The following APP variants were observed in gnomAD, a reference collection of about 807,000 sequenced individuals.
The protein encoded by APP is amyloid beta precursor protein.
In APP, 31 loss-of-function variants were observed where a neutral mutation model predicts 101.4. That is an observed-to-expected ratio of 0.31 (90% confidence interval 0.23 to 0.41). The LOEUF (loss-of-function observed/expected upper bound fraction) is 0.41. APP is among the 10% of genes least tolerant of loss of function. The pLI, the probability that APP is intolerant of heterozygous loss-of-function variation, is 1.00. For missense variants in APP, 839 were observed against 1,003.7 expected (o/e 0.84, Z 2.22); for synonymous variants, 366 against 364.4 (o/e 1.00, Z -0.05).
chr21:25,908,895 C>T (rs1433327888), intron 14 of APP, among the ~76,000 whole-genome samples: 1 of 152,112 alleles, frequency 6.6e-6, no homozygotes, highest in Admixed American at 6.6e-5. Context: ...AAACTCGGGT[C>T]TGTATCATTC....
At position 26,000,035 on chromosome 21, in the gene APP, A is replaced by AT; in HGVS notation, c.1012dup (p.Met338AsnfsTer26). The AT allele has an allele frequency of 6.2e-7, 1 of 1,614,138 alleles. No individual in the cohort carries two copies. The highest frequency in any genetic ancestry group is 8.5e-7 in the Non-Finnish European group (1 of 1,180,008). On this transcript the variant is annotated frameshift_variant, in exon 7 of 18. Transcript: ENST00000346798. LOFTEE classifies it high-confidence loss of function. ...CTTACTGGCGCTGCCACACACGGCC[A>AT]TGCAGTACTCTTCTGTGTCAAAGTT...
At chr21:25,881,930 C>T (rs1045004516) in intron 17 of APP, among the ~76,000 whole-genome samples, 159 bp from the exon 18 acceptor site, 2 of 152,172 alleles carry the variant, frequency 1.3e-5, no homozygotes, top group African/African-American at 4.8e-5. Flanking sequence ...TGGAGCAGAA[C>T]GCCTTTGCCC....
chr21:25,974,611 T>C (rs1331804759), intron 11 of APP, among the ~76,000 whole-genome samples: 1 of 152,218 alleles, frequency 6.6e-6, no homozygotes, highest in East Asian at 1.9e-4. Context: ...CAACCAAGTA[T>C]GCTGATGTCT....
chr21:26,048,444 T>C (rs1375265000), intron 5 of APP, among the ~76,000 whole-genome samples: 5 of 152,190 alleles, frequency 3.3e-5, no homozygotes, highest in Non-Finnish European at 7.3e-5. Context: ...AATTTCATAA[T>C]GTTTTAAGAA....
At chr21:25,984,401 G>A (rs1406204829) in intron 8 of APP, among the ~76,000 whole-genome samples, 1 of 152,082 alleles carries the variant, frequency 6.6e-6, no homozygotes, top group East Asian at 1.9e-4. Context: ...TTCAAAAAAT[G>A]TTAGGTGTAG....
chr21:26,141,090 T>C (rs917677100), intron 1 of APP, among the ~76,000 whole-genome samples: 1 of 152,170 alleles, frequency 6.6e-6, no homozygotes, highest in African/African-American at 2.4e-5. Context: ...AATAAGCACA[T>C]AAATTTCTCA....
chr21:25,958,425 T>C (rs904332714), intron 11 of APP, among the ~76,000 whole-genome samples: 11 of 152,150 alleles, frequency 7.2e-5, no homozygotes, highest in African/African-American at 1.9e-4. Flanking sequence ...TACAGGCACG[T>C]GCCACCATGC....
intron 2 of APP, among the ~76,000 whole-genome samples, chr21:26,104,179 C>T (rs1259570515): frequency 6.6e-6 from 1 of 151,894 alleles, no homozygotes; most frequent in African/African-American, 2.4e-5. Flanking sequence ...ATGACCTCAT[C>T]TAACAGTTAT....
At chr21:26,094,114 CAAAAAA>C (rs539941515) in intron 2 of APP, among the ~76,000 whole-genome samples, 2 of 73,174 alleles carry the variant, frequency 2.7e-5, no homozygotes, top group African/African-American at 1.1e-4. Flanking sequence ...GACTCGGTCT[CAAAAAA>C]AAAAAAAAAA....
intron 15 of APP, among the ~76,000 whole-genome samples, chr21:25,900,092 T>C (rs563503382): frequency 5.9e-5 from 9 of 152,306 alleles, no homozygotes; most frequent in Admixed American, 1.3e-4. Context: ...AACGAACCTT[T>C]CTGACACTTA....
intron 13 of APP, among the ~76,000 whole-genome samples, chr21:25,913,748 GTACTT>G (rs1457192830): frequency 6.6e-6 from 1 of 152,122 alleles, no homozygotes; most frequent in African/African-American, 2.4e-5. Context: ...CGCATACACA[GTACTT>G]ATCTTCTTCC....
chr21:26,156,346 C>G (rs928775663), intron 1 of APP, among the ~76,000 whole-genome samples: 4 of 152,178 alleles, frequency 2.6e-5, no homozygotes, highest in Non-Finnish European at 5.9e-5. Flanking sequence ...AACAAAGAAG[C>G]AGAGATAGTT....
chr21:26,106,684 T>C (rs2146187821), intron 2 of APP, among the ~76,000 whole-genome samples: 1 of 152,344 alleles, frequency 6.6e-6, no homozygotes, highest in African/African-American at 2.4e-5. Flanking sequence ...GTGCTTAGGA[T>C]GGGTATCAGT....
intron 17 of APP, among the ~76,000 whole-genome samples, chr21:25,883,262 G>C (rs941713647): frequency 6.6e-6 from 1 of 151,862 alleles, no homozygotes; most frequent in Non-Finnish European, 1.5e-5. Flanking sequence ...AATTAGCCAG[G>C]CGTGGTGGTG....
chr21:25,978,217 C>A (rs1157875959), intron 9 of APP, among the ~76,000 whole-genome samples: 1 of 152,090 alleles, frequency 6.6e-6, no homozygotes, highest in East Asian at 1.9e-4. Context: ...ATATCCTATA[C>A]CCCCACAAAT....
chr21:25,935,855 A>C (rs987823191), intron 13 of APP, among the ~76,000 whole-genome samples: 14 of 151,190 alleles, frequency 9.3e-5, no homozygotes, highest in African/African-American at 3.4e-4. Context: ...AAAAAAAAAA[A>C]AAAAAACCTG....
At position 26,089,986 on chromosome 21, in the gene APP, C is replaced by A; in HGVS notation, c.312G>T (p.Gln104His). The change falls in exon 3 of 18, where the codon CAG becomes CAT. Residue 104 changes from glutamine to histidine, a missense_variant. Gln to His is a conservative substitution (Grantham distance 24). Coordinates refer to ENST00000346798, the MANE Select transcript of APP (RefSeq NM_000484.4). ...IQNWCKRGRK[Q>H]CKTHPHFVIP... ...TCACAAAGTGGGGATGGGTCTTGCA[C>A]TGCTTGCGGCCCCGCTTGCACCAGT... 1 of 1,614,224 alleles carries A rather than the reference C, an allele frequency of 6.2e-7. No homozygotes were observed.
intron 17 of APP, among the ~76,000 whole-genome samples, chr21:25,890,698 C>T (rs529617621): frequency 5.3e-5 from 7 of 132,386 alleles, no homozygotes; most frequent in African/African-American, 2.0e-4. Context: ...AAGATCCAGC[C>T]TGGGCAACAG....
intron 3 of APP, among the ~76,000 whole-genome samples, chr21:26,062,102 C>T (rs1004350437): frequency 5.9e-5 from 9 of 151,888 alleles, no homozygotes; most frequent in African/African-American, 1.7e-4. Context: ...CCCAGCTACT[C>T]GGGAGGCTGA....
Sources: allele counts gnomAD v4.1 joint callset (sites outside exome capture counted in the v4.1 genomes callset), GRCh38; gene constraint gnomAD v4.1.1; transcripts MANE v1.5; gene names NCBI Gene and HGNC (gene_info 2026-07-23, HGNC 2026-07-21).